Variants in DIP2C observed in about 807,000 individuals in gnomAD.
DIP2C encodes the protein disco-interacting protein 2 homolog C.
DIP2C carries 33 observed loss-of-function variants against 192.4 expected under a neutral mutation model. That is an observed-to-expected ratio of 0.17 (90% confidence interval 0.13 to 0.23). DIP2C has a LOEUF of 0.23. DIP2C is among the 10% of genes least tolerant of loss of function. The probability of loss-of-function intolerance (pLI) is 1.00; values close to 1 mark genes in which losing one functional copy is unlikely to be tolerated. For missense variants in DIP2C, 1,537 were observed against 2,110.1 expected (o/e 0.73, Z 5.32); for synonymous variants, 979 against 864.1 (o/e 1.13, Z -2.33).
chr10:621,402 C>A (rs1430285824), intron 1 of DIP2C, among the ~76,000 whole-genome samples: 1 of 151,836 alleles, frequency 6.6e-6, no homozygotes, highest in African/African-American at 2.4e-5. Flanking sequence ...GGTGCACACA[C>A]TATGTGCTCA....
intron 17 of DIP2C, among the ~76,000 whole-genome samples, chr10:375,887 A>G (rs1389810053): frequency 6.6e-6 from 1 of 151,830 alleles, no homozygotes; most frequent in East Asian, 1.9e-4. Context: ...TTTTTATCTT[A>G]TACGGGCGAT....
chr10:623,009 C>T (rs751230439), intron 1 of DIP2C, among the ~76,000 whole-genome samples: 18 of 152,212 alleles, frequency 1.2e-4, no homozygotes, highest in South Asian at 2.1e-4. Flanking sequence ...AATTCTACAG[C>T]GCAAAGCATA....
At chr10:516,933 G>C (rs771006025) in intron 1 of DIP2C, among the ~76,000 whole-genome samples, 1 of 150,978 alleles carries the variant, frequency 6.6e-6, no homozygotes, top group African/African-American at 2.4e-5. Flanking sequence ...TTCCAGGCCC[G>C]GGGCCATCAT....
At chr10:565,096 T>TC (rs1849390913) in intron 1 of DIP2C, among the ~76,000 whole-genome samples, 1 of 151,932 alleles carries the variant, frequency 6.6e-6, no homozygotes, top group African/African-American at 2.4e-5. Context: ...GTTCCATCAC[T>TC]CCCCTAATTG....
intron 1 of DIP2C, among the ~76,000 whole-genome samples, chr10:495,522 G>A (rs976262960): frequency 6.3e-4 from 96 of 151,970 alleles, no homozygotes; most frequent in African/African-American, 2.0e-3. Context: ...TTTGAATGTT[G>A]GTTTGTGTGG....
At chr10:369,882 G>A (rs963306680) in intron 17 of DIP2C, 18 of 1,370,476 alleles carry the variant, frequency 1.3e-5, no homozygotes, top group East Asian at 8.3e-5. Context: ...AACTACCAAC[G>A]CAGCTCCTCT....
intron 4 of DIP2C, among the ~76,000 whole-genome samples, chr10:426,649 T>TA (rs1415098255): frequency 1.3e-5 from 2 of 152,220 alleles, no homozygotes; most frequent in Non-Finnish European, 2.9e-5. Context: ...AGCAGAAGAA[T>TA]AGATGTATAC....
Position 580,549 on chromosome 10 carries a change from A to G in DIP2C, c.86-94019T>C, listed in dbSNP as rs142233570. Among the ~76,000 whole-genome samples the G allele has an allele frequency of 3.0e-3, 450 of 152,288 alleles. 5 individuals are homozygous for G. The highest frequency in any genetic ancestry group is 0.01 in the African/African-American group (430 of 41,514). ...TATGTACACATGTACATGCATGCCC[A>G]TAGCATGCACACATGTAGGACACAT... On this transcript the variant is annotated intron_variant, in intron 1 of 36. Coordinates refer to ENST00000280886, the MANE Select transcript of DIP2C (RefSeq NM_014974.3).
At chr10:393,798 A>G (rs1314319104) in intron 10 of DIP2C, among the ~76,000 whole-genome samples, 7 of 130,060 alleles carry the variant, frequency 5.4e-5, no homozygotes, top group African/African-American at 1.4e-4. Context: ...AAAAAAAAAG[A>G]AAAAAAAAGA....
At chr10:303,520 ACTTTTTTTTTTT>A (rs1338660095) in intron 32 of DIP2C, among the ~76,000 whole-genome samples, 5 of 150,784 alleles carry the variant, frequency 3.3e-5, no homozygotes, top group Non-Finnish European at 5.9e-5. Flanking sequence ...AAAGTTTTTT[ACTTTTTTTTTTT>A]CTTTTTTTGA....
In DIP2C at chr10:534,668, A is replaced by ATTT. The variant is rs66643213; in HGVS notation, c.86-48139_86-48138insAAA. ...TACAGTGTTTGTCTGCTGGATGATT[A>ATTT]TTATTTTTTTTTTTTTTTTGAGACG... is the stretch of plus-strand genomic sequence containing the variant. On this transcript the variant is annotated intron_variant, in intron 1 of 36. Transcript: ENST00000280886. Among the ~76,000 whole-genome samples the ATTT allele has an allele frequency of 1.4e-3, 186 of 130,698 alleles. 6 individuals are homozygous for ATTT. Among genetic ancestry groups the ATTT allele is most frequent in the Admixed American group, 2.9e-3 (37 of 12,602 alleles). 85.7% of individuals were successfully genotyped at this position (130,698 alleles called of 152,430 possible). A position where few individuals can be genotyped will look rare whatever the true frequency, so the allele number is the denominator to read the frequency against.
At chr10:664,404 C>T (rs1441983399) in intron 1 of DIP2C, 1 of 152,236 alleles carries the variant, frequency 6.6e-6, no homozygotes, top group African/African-American at 2.4e-5. Context: ...GTTCTGTTAT[C>T]AGCAGTCCTG....
chr10:587,400 C>A (rs756411346), intron 1 of DIP2C, among the ~76,000 whole-genome samples: 1 of 152,210 alleles, frequency 6.6e-6, no homozygotes, highest in South Asian at 2.1e-4. Flanking sequence ...ACAGGAACAG[C>A]GTCAGCACAC....
intron 1 of DIP2C, among the ~76,000 whole-genome samples, chr10:526,348 TATAA>T (rs1403766182): frequency 5.9e-5 from 9 of 152,340 alleles, no homozygotes; most frequent in Admixed American, 4.6e-4. Flanking sequence ...GTGTTTAGCA[TATAA>T]ATGTGTGCAT....
intron 32 of DIP2C, among the ~76,000 whole-genome samples, chr10:301,448 A>C (rs1470626046): frequency 6.6e-6 from 1 of 152,186 alleles, no homozygotes; most frequent in East Asian, 1.9e-4. Flanking sequence ...GCAGCGGGTC[A>C]CAGTGGGTGG....
chr10:687,719 A>G (rs1831385906), intron 1 of DIP2C, among the ~76,000 whole-genome samples: 1 of 152,194 alleles, frequency 6.6e-6, no homozygotes, highest in Non-Finnish European at 1.5e-5. Flanking sequence ...CTCACCCTCC[A>G]AGAGCAACTG....
intron 32 of DIP2C, among the ~76,000 whole-genome samples, chr10:290,340 G>C (rs1298100585): frequency 6.6e-6 from 1 of 152,236 alleles, no homozygotes; most frequent in Non-Finnish European, 1.5e-5. Flanking sequence ...ACACAGAATT[G>C]CAAGAAACTA....
chr10:428,790 C>T (rs1966755057), intron 4 of DIP2C, among the ~76,000 whole-genome samples: 1 of 152,072 alleles, frequency 6.6e-6, no homozygotes, highest in Admixed American at 6.5e-5. Context: ...GCTTGAGGTT[C>T]TGTTCGCATT....
chr10:348,659 G>C lies in DIP2C; in HGVS notation c.3213C>G (p.Thr1071=), dbSNP rs142225052. ...HPQNIATTLP[T]VKMIVEVSRS... ...ATGTTACCTCCACAATCATCTTGACGGTAGGCAACGTCGTCGCGATGTTCT... is the reference window on the plus strand; with the variant it reads ...ATGTTACCTCCACAATCATCTTGACCGTAGGCAACGTCGTCGCGATGTTCT... Residue 1071 remains threonine, a synonymous_variant, in exon 26 of 37, where the codon ACC becomes ACG. Transcript: ENST00000280886. The C allele has an allele frequency of 4.3e-6, 7 of 1,613,456 alleles. No homozygotes were observed. In the African/African-American group the frequency reaches 6.7e-5, roughly 15 times the overall value.
Sources: allele counts gnomAD v4.1 joint callset (sites outside exome capture counted in the v4.1 genomes callset), GRCh38; gene constraint gnomAD v4.1.1; transcripts MANE v1.5; gene names NCBI Gene and HGNC (gene_info 2026-07-23, HGNC 2026-07-21).